Variants in SGCZ observed in about 807,000 individuals in gnomAD.
The protein encoded by SGCZ is sarcoglycan zeta.
In SGCZ, 40 loss-of-function variants were observed where a neutral mutation model predicts 41.3. That is an observed-to-expected ratio of 0.97 (90% CI 0.75 to 1.26). SGCZ has a LOEUF of 1.26. Among genes scored for constraint, SGCZ ranks in the 50% most tolerant of loss-of-function variants. SGCZ has a pLI of 0.00. For missense variants in SGCZ, 552 were observed against 369.8 expected, an observed-to-expected ratio of 1.49 and a Z score of -4.04; for synonymous variants, 206 against 137.5, an observed-to-expected ratio of 1.50 and a Z score of -3.49.
chr8:14,782,421 C>G (rs1480067558), intron 1 of SGCZ, among the ~76,000 whole-genome samples: 2 of 152,094 alleles, frequency 1.3e-5, no homozygotes, highest in Admixed American at 6.6e-5. Context: ...GTTCATGTAT[C>G]TGTGTGTTTG....
intron 5 of SGCZ, among the ~76,000 whole-genome samples, chr8:14,121,546 C>T (rs748797096): frequency 3.3e-5 from 5 of 151,828 alleles, no homozygotes; most frequent in African/African-American, 4.8e-5. Context: ...TTGGTATTGC[C>T]GTTATTATTG....
At chr8:14,848,148 G>A (rs1489837534) in intron 1 of SGCZ, among the ~76,000 whole-genome samples, 1 of 151,996 alleles carries the variant, frequency 6.6e-6, no homozygotes, top group Non-Finnish European at 1.5e-5. Flanking sequence ...AATTCTTATG[G>A]TAAATATGGT....
chr8:14,875,603 C>A (rs1256610996), intron 1 of SGCZ, among the ~76,000 whole-genome samples: 4 of 152,124 alleles, frequency 2.6e-5, no homozygotes, highest in African/African-American at 7.2e-5. Flanking sequence ...CACTGTACCA[C>A]TTTGGACTGT....
chr8:14,275,368 T>C (rs1359469334), intron 3 of SGCZ, among the ~76,000 whole-genome samples: 1 of 152,074 alleles, frequency 6.6e-6, no homozygotes, highest in Non-Finnish European at 1.5e-5. Context: ...AAATGGAAAG[T>C]TCTCTTTGTA....
intron 1 of SGCZ, among the ~76,000 whole-genome samples, chr8:14,695,063 C>T (rs1808914032): frequency 6.6e-6 from 1 of 152,058 alleles, no homozygotes; most frequent in Non-Finnish European, 1.5e-5. Flanking sequence ...CCTCCTCTTG[C>T]CTGAAAAGCA....
At chr8:15,080,336 T>A (rs542310206) in intron 1 of SGCZ, among the ~76,000 whole-genome samples, 1 of 152,098 alleles carries the variant, frequency 6.6e-6, no homozygotes. Flanking sequence ...TGGGTCAATC[T>A]GACCTAACCT....
At chr8:14,368,676 T>A (rs1803801753) in intron 2 of SGCZ, among the ~76,000 whole-genome samples, 1 of 152,050 alleles carries the variant, frequency 6.6e-6, no homozygotes, top group Non-Finnish European at 1.5e-5. Context: ...AGACATTGCA[T>A]TCCTTATGAT....
intron 5 of SGCZ, among the ~76,000 whole-genome samples, chr8:14,163,965 A>G (rs1804129100): frequency 6.6e-6 from 1 of 152,200 alleles, no homozygotes; most frequent in Admixed American, 6.5e-5. Flanking sequence ...GTAATTCAGA[A>G]GAGATTGTGC....
chr8:14,636,176 T>C (rs12547518), intron 1 of SGCZ, among the ~76,000 whole-genome samples: 101,841 of 151,616 alleles, frequency 0.67, 34,421 homozygotes, highest in East Asian at 0.81. Context: ...AGAGGAAATA[T>C]ACTGGTAGAT....
intron 1 of SGCZ, among the ~76,000 whole-genome samples, chr8:15,192,833 G>C (rs1800585383): frequency 6.6e-6 from 1 of 151,940 alleles, no homozygotes; most frequent in Admixed American, 6.6e-5. Context: ...CTCACTCCAA[G>C]AAAACAAAAG....
At chr8:15,159,545 G>C (rs1563157358) in intron 1 of SGCZ, among the ~76,000 whole-genome samples, 3 of 152,106 alleles carry the variant, frequency 2.0e-5, no homozygotes, top group Admixed American at 2.0e-4. Context: ...TGCCAGAGTT[G>C]AATTGGAGGA....
intron 1 of SGCZ, among the ~76,000 whole-genome samples, chr8:14,946,356 C>T (rs1800446101): frequency 6.6e-6 from 1 of 151,674 alleles, no homozygotes; most frequent in Admixed American, 6.6e-5. Flanking sequence ...CCTCGCGCAT[C>T]ACAGAAGGAA....
intron 2 of SGCZ, among the ~76,000 whole-genome samples, chr8:14,427,065 T>C (rs768512354): frequency 1.1e-3 from 98 of 93,274 alleles, no homozygotes; most frequent in African/African-American, 2.9e-3. Flanking sequence ...AATGAATGAA[T>C]GAGTGAATGA....
At chr8:14,650,708 G>C (rs898750147) in intron 1 of SGCZ, among the ~76,000 whole-genome samples, 27 of 152,054 alleles carry the variant, frequency 1.8e-4, no homozygotes, top group African/African-American at 6.5e-4. Flanking sequence ...AATATTGCCA[G>C]GTGAAAGAGA....
At chr8:14,212,755 T>C (rs1805860695) in intron 4 of SGCZ, among the ~76,000 whole-genome samples, 1 of 152,112 alleles carries the variant, frequency 6.6e-6, no homozygotes. Flanking sequence ...GAATTAGATG[T>C]AGGAATGAAG....
chr8:14,708,582 A>C (rs1448089578), intron 1 of SGCZ, among the ~76,000 whole-genome samples: 1 of 152,112 alleles, frequency 6.6e-6, no homozygotes, highest in African/African-American at 2.4e-5. Context: ...GTCCCTGACC[A>C]ACTTGGAAAG....
intron 4 of SGCZ, among the ~76,000 whole-genome samples, chr8:14,170,201 A>C (rs1266722906): frequency 6.6e-6 from 1 of 152,024 alleles, no homozygotes; most frequent in Non-Finnish European, 1.5e-5. Context: ...CCGAATCCAC[A>C]CGTACAAATC....
At chr8:15,017,663 GCCC>G (rs2130937069) in intron 1 of SGCZ, among the ~76,000 whole-genome samples, 1 of 152,054 alleles carries the variant, frequency 6.6e-6, no homozygotes, top group Admixed American at 6.6e-5. Flanking sequence ...ACATCATCAT[GCCC>G]AGCTAGTTTT....
chr8:14,880,675 C>T (rs1291097228), intron 1 of SGCZ, among the ~76,000 whole-genome samples: 1 of 151,982 alleles, frequency 6.6e-6, no homozygotes, highest in East Asian at 1.9e-4. Context: ...AAGCTGGAAA[C>T]CATCATTCTC....
Sources: allele counts gnomAD v4.1 joint callset (sites outside exome capture counted in the v4.1 genomes callset), GRCh38; gene constraint gnomAD v4.1.1; transcripts MANE v1.5; gene names NCBI Gene and HGNC (gene_info 2026-07-23, HGNC 2026-07-21).